Variants in XPR1 observed in about 807,000 individuals in gnomAD.
XPR1 encodes the protein solute carrier family 53 member 1.
In XPR1, 28 loss-of-function variants were observed where a neutral mutation model predicts 87.5. That is an observed-to-expected ratio of 0.32 (90% CI 0.24 to 0.44). The LOEUF is 0.44. Among genes scored for constraint, XPR1 ranks in the 20% least tolerant of loss-of-function variants. The pLI, the probability that XPR1 is intolerant of heterozygous loss-of-function variation, is 1.00. For missense variants in XPR1, 559 were observed against 862.3 expected (o/e 0.65, Z 4.41); for synonymous variants, 300 against 306.1 (o/e 0.98, Z 0.21).
At chr1:180,728,323 A>C (rs1241089227) in intron 2 of XPR1, among the ~76,000 whole-genome samples, 3 of 147,748 alleles carry the variant, frequency 2.0e-5, no homozygotes, top group African/African-American at 7.6e-5. Context: ...AATGAAAACT[A>C]TGTTGATGGG....
chr1:180,651,456 C>T (rs1397126773), intron 1 of XPR1, among the ~76,000 whole-genome samples: 2 of 152,188 alleles, frequency 1.3e-5, no homozygotes, highest in African/African-American at 4.8e-5. Context: ...TACTAAGAGG[C>T]ACATTCCCCT....
In XPR1 at chr1:180,714,617, C is replaced by T. The variant is rs1321225424; in HGVS notation, c.121+32206C>T. 2.0e-5 allele frequency among the ~76,000 whole-genome samples: 3 copies of T among 152,016 alleles called. No individual in the cohort carries two copies. In the East Asian group the frequency reaches 5.8e-4, roughly 29 times the overall value. On this transcript the variant is annotated intron_variant, in intron 2 of 14. Transcript: ENST00000367590. ...ACAGGGTCTCACTATGTTGCCCAGCCTGGTCTTGAACTCCTGGGCTCAAGG... is the reference window on the plus strand; with the variant it reads ...ACAGGGTCTCACTATGTTGCCCAGCTTGGTCTTGAACTCCTGGGCTCAAGG...
chr1:180,738,858 T>C (rs897826159), intron 2 of XPR1, among the ~76,000 whole-genome samples: 1 of 152,174 alleles, frequency 6.6e-6, no homozygotes, highest in Non-Finnish European at 1.5e-5. Flanking sequence ...CTTTTAACAG[T>C]GGCCTTCACA....
intron 2 of XPR1, among the ~76,000 whole-genome samples, chr1:180,703,936 A>C (rs1657453223): frequency 6.6e-6 from 1 of 152,028 alleles, no homozygotes; most frequent in African/African-American, 2.4e-5. Context: ...TATTACAGAA[A>C]ATTCTGTTTG....
At chr1:180,800,108 A>G (rs1033209576) in intron 3 of XPR1, among the ~76,000 whole-genome samples, 1 of 152,240 alleles carries the variant, frequency 6.6e-6, no homozygotes, top group African/African-American at 2.4e-5. Flanking sequence ...CAGAATCACT[A>G]GAGAGTCTAC....
intron 1 of XPR1, among the ~76,000 whole-genome samples, chr1:180,657,800 A>AT (rs890816151): frequency 1.3e-4 from 20 of 151,156 alleles, no homozygotes; most frequent in African/African-American, 4.6e-4. Flanking sequence ...AAATTTTAGG[A>AT]TTTTTTTTCT....
chr1:180,821,386 T>C (rs1650621534), intron 7 of XPR1, among the ~76,000 whole-genome samples: 1 of 152,224 alleles, frequency 6.6e-6, no homozygotes. Context: ...CTCTGGATTC[T>C]CAGTGCTATT....
At chr1:180,698,800 G>GT (rs968220627) in intron 2 of XPR1, among the ~76,000 whole-genome samples, 4 of 152,006 alleles carry the variant, frequency 2.6e-5, no homozygotes, top group African/African-American at 4.8e-5. Context: ...TGGCTGGCAG[G>GT]TTTTTTTCTT....
At chr1:180,746,243 G>T (rs367694478) in intron 2 of XPR1, among the ~76,000 whole-genome samples, 1 of 151,984 alleles carries the variant, frequency 6.6e-6, no homozygotes, top group Non-Finnish European at 1.5e-5. Flanking sequence ...ATTTTACCCA[G>T]TGTGTAGTAT....
chr1:180,850,987 G>T, intron 11 of XPR1, among the ~76,000 whole-genome samples: 1 of 149,874 alleles, frequency 6.7e-6, no homozygotes, highest in Non-Finnish European at 1.5e-5. Context: ...AAGGATTATA[G>T]TATCCTTATA....
At chr1:180,875,646 T>C (rs2102221407) in intron 13 of XPR1, among the ~76,000 whole-genome samples, 1 of 151,496 alleles carries the variant, frequency 6.6e-6, no homozygotes, top group South Asian at 2.1e-4. Context: ...GAAAAGTATA[T>C]AGCTCAGGAA....
intron 2 of XPR1, among the ~76,000 whole-genome samples, chr1:180,769,300 A>G (rs940259716): frequency 3.3e-5 from 5 of 151,940 alleles, no homozygotes; most frequent in African/African-American, 1.2e-4. Flanking sequence ...GTACCATTAA[A>G]TTATTATTGA....
chr1:180,730,828 A>AT (rs1441205497), intron 2 of XPR1, among the ~76,000 whole-genome samples: 8 of 114,886 alleles, frequency 7.0e-5, no homozygotes, highest in African/African-American at 2.3e-4. Flanking sequence ...ATGCCCAGCT[A>AT]ATTTTTTTTT....
At chr1:180,842,224 A>G (rs999707013) in intron 11 of XPR1, among the ~76,000 whole-genome samples, 1 of 152,222 alleles carries the variant, frequency 6.6e-6, no homozygotes, top group African/African-American at 2.4e-5. Context: ...GAGTCTTTTC[A>G]AAGAACTAGC....
chr1:180,731,813 A>G (rs1168077792), intron 2 of XPR1, among the ~76,000 whole-genome samples: 2 of 152,228 alleles, frequency 1.3e-5, no homozygotes, highest in Non-Finnish European at 2.9e-5. Context: ...ACTGGCTGCC[A>G]CATTTCAGGT....
intron 6 of XPR1, among the ~76,000 whole-genome samples, chr1:180,810,772 C>T (rs1378842881): frequency 6.6e-6 from 1 of 151,314 alleles, no homozygotes; most frequent in Non-Finnish European, 1.5e-5. Flanking sequence ...TTACAAAACT[C>T]ATATGTATAT....
intron 1 of XPR1, among the ~76,000 whole-genome samples, chr1:180,649,092 C>G (rs930761649): frequency 2.0e-5 from 3 of 151,986 alleles, no homozygotes; most frequent in African/African-American, 4.8e-5. Context: ...AGAGCATTTT[C>G]TAGTGCAAGC....
Position 180,680,764 on chromosome 1 carries a change from C to T in XPR1, c.70-1596C>T, listed in dbSNP as rs145837703. Among the ~76,000 whole-genome samples, 246 of 152,278 alleles carry T rather than the reference C, an allele frequency of 1.6e-3. 1 individual carries two copies. Among genetic ancestry groups the T allele is most frequent in the African/African-American group, 5.6e-3 (232 of 41,548 alleles). Reference sequence around the variant, plus strand: ...CCAAAGAGACATCTGTACCCCTATGCTTATTGCAACACTAACTAGTAGCCA... The same window carrying T: ...CCAAAGAGACATCTGTACCCCTATGTTTATTGCAACACTAACTAGTAGCCA... On this transcript the variant is annotated intron_variant, in intron 1 of 14. Coordinates refer to ENST00000367590, the MANE Select transcript of XPR1 (RefSeq NM_004736.4).
chr1:180,686,352 CAGTT>C (rs1447281875), intron 2 of XPR1, among the ~76,000 whole-genome samples: 1 of 152,068 alleles, frequency 6.6e-6, no homozygotes, highest in Non-Finnish European at 1.5e-5. Flanking sequence ...GTCTGAGAGA[CAGTT>C]TGTTATAATT....
Sources: allele counts gnomAD v4.1 joint callset (sites outside exome capture counted in the v4.1 genomes callset), GRCh38; gene constraint gnomAD v4.1.1; transcripts MANE v1.5; gene names NCBI Gene and HGNC (gene_info 2026-07-23, HGNC 2026-07-21).